Variants in NEK7 observed in about 807,000 individuals in gnomAD.
The protein encoded by NEK7 is serine/threonine-protein kinase Nek7.
A neutral mutation model predicts 44.6 loss-of-function variants in NEK7; 18 were observed. That is an observed-to-expected ratio of 0.40 (90% CI 0.28 to 0.60). NEK7 has a LOEUF of 0.60. NEK7 is among the 20% of genes least tolerant of loss of function. NEK7 has a pLI of 0.38. For synonymous variants in NEK7, 130 were observed against 121.1 expected (o/e 1.07, Z -0.48); for missense variants, 256 against 366.5 (o/e 0.70, Z 2.46).
chr1:198,159,221 C>T (rs1571488772), intron 1 of NEK7, among the ~76,000 whole-genome samples: 1 of 151,934 alleles, frequency 6.6e-6, no homozygotes, highest in Non-Finnish European at 1.5e-5. Flanking sequence ...GCCCTGGGCT[C>T]GGAGAAGGCC....
At chr1:198,319,109 C>T (rs1470394690) in intron 9 of NEK7, among the ~76,000 whole-genome samples, 1 of 152,048 alleles carries the variant, frequency 6.6e-6, no homozygotes, top group Non-Finnish European at 1.5e-5. Context: ...GACTAGTGTC[C>T]TCAGTGACTG....
intron 1 of NEK7, among the ~76,000 whole-genome samples, chr1:198,201,726 A>G (rs1571526661): frequency 6.6e-6 from 1 of 152,140 alleles, no homozygotes; most frequent in Non-Finnish European, 1.5e-5. Context: ...CTCTTTCCGG[A>G]GCCTCACCCT....
chr1:198,232,064 G>A (rs1046375112), intron 1 of NEK7, among the ~76,000 whole-genome samples: 14 of 152,052 alleles, frequency 9.2e-5, no homozygotes, highest in South Asian at 4.1e-4. Context: ...CAAAGTATGC[G>A]TAAAAGAGTA....
At chr1:198,193,807 GCCATATATGACAAAT>G (rs1469623917) in intron 1 of NEK7, among the ~76,000 whole-genome samples, 5 of 151,956 alleles carry the variant, frequency 3.3e-5, no homozygotes, top group African/African-American at 9.7e-5. Context: ...CAAAATAAGA[GCCATATATGACAAAT>G]CCATATATGA....
intron 1 of NEK7, among the ~76,000 whole-genome samples, chr1:198,186,002 T>C (rs1226811263): frequency 6.6e-6 from 1 of 152,214 alleles, no homozygotes; most frequent in Non-Finnish European, 1.5e-5. Context: ...ACACATAGTC[T>C]TGGATCTAGA....
At chr1:198,252,563 TATATAA>T (rs1453706501) in intron 2 of NEK7, among the ~76,000 whole-genome samples, 1 of 50,932 alleles carries the variant, frequency 2.0e-5, no homozygotes, top group Non-Finnish European at 3.1e-5. Flanking sequence ...TATATATATA[TATATAA>T]AAAGTACATA....
In NEK7 at chr1:198,320,596, T is replaced by C. The variant is rs1165400800; in HGVS notation, c.*1074T>C. The C allele has an allele frequency of 6.6e-6, 1 of 152,172 alleles. No homozygotes were observed. Among genetic ancestry groups the C allele is most frequent in the Non-Finnish European group, 1.5e-5 (1 of 68,004 alleles). 9.4% of individuals were successfully genotyped at this position (152,172 alleles called of 1,614,324 possible). A position where few individuals can be genotyped will look rare whatever the true frequency, so the allele number is the denominator to read the frequency against. ...AAAGATATTTGGTATACCAATACTT[T>C]TCCTGGATTGAAAACTTTTTTTAAA... On this transcript the variant is annotated 3_prime_UTR_variant, in exon 10 of 10. Transcript: ENST00000367385.
At chr1:198,199,664 A>G (rs1195898137) in intron 1 of NEK7, among the ~76,000 whole-genome samples, 2 of 151,856 alleles carry the variant, frequency 1.3e-5, no homozygotes, top group African/African-American at 4.8e-5. Context: ...GCTGACGTGT[A>G]TCTATTATTT....
intron 2 of NEK7, among the ~76,000 whole-genome samples, chr1:198,234,307 A>AT (rs11325777): frequency 8.7e-5 from 13 of 149,806 alleles, no homozygotes; most frequent in Admixed American, 1.3e-4. Flanking sequence ...TTCAAGAAGA[A>AT]TTTTTTTTTT....
chr1:198,269,731 T>A (rs1653777767), intron 5 of NEK7, among the ~76,000 whole-genome samples: 1 of 152,070 alleles, frequency 6.6e-6, no homozygotes, highest in Admixed American at 6.6e-5. Flanking sequence ...AAGTAAATAA[T>A]TAATTGGTTC....
intron 1 of NEK7, among the ~76,000 whole-genome samples, chr1:198,225,211 T>A (rs1391660334): frequency 1.3e-5 from 2 of 149,226 alleles, no homozygotes; most frequent in Non-Finnish European, 3.0e-5. Flanking sequence ...TATAAAAAAA[T>A]TTAAAGGACA....
At chr1:198,252,530 A>C (rs1029086746) in intron 2 of NEK7, among the ~76,000 whole-genome samples, 2 of 48,718 alleles carry the variant, frequency 4.1e-5, no homozygotes, top group Admixed American at 2.7e-4. Context: ...CTCACATACT[A>C]TATATATATA....
At chr1:198,267,439 T>G (rs1200279268) in intron 5 of NEK7, among the ~76,000 whole-genome samples, 1 of 152,044 alleles carries the variant, frequency 6.6e-6, no homozygotes, top group Non-Finnish European at 1.5e-5. Context: ...CTATTTTATT[T>G]TATTTATTTA....
At chr1:198,264,271 T>C (rs773465955) in intron 5 of NEK7, 36 bp downstream of exon 5, 3 of 1,477,796 alleles carry the variant, frequency 2.0e-6, no homozygotes, top group Admixed American at 1.9e-5. Context: ...TGTTTTGTTT[T>C]GTTTTTTTTT....
intron 9 of NEK7, among the ~76,000 whole-genome samples, chr1:198,297,939 T>A (rs949532577): frequency 6.6e-6 from 1 of 152,120 alleles, no homozygotes; most frequent in African/African-American, 2.4e-5. Flanking sequence ...TTGAAGTGAG[T>A]TGTTTTGGCT....
chr1:198,231,299 G>A (rs12737320), intron 1 of NEK7, among the ~76,000 whole-genome samples: 7,374 of 94,440 alleles, frequency 0.078, 313 homozygotes, highest in South Asian at 0.14. Context: ...GTATGTGTGT[G>A]TGTATATATA....
intron 5 of NEK7, among the ~76,000 whole-genome samples, chr1:198,268,344 C>T (rs566300904): frequency 1.4e-5 from 2 of 137,964 alleles, no homozygotes; most frequent in Admixed American, 1.5e-4. Context: ...TAACTCGAGG[C>T]CTGGCACCAG....
At chr1:198,228,104 A>G (rs1466522398) in intron 1 of NEK7, among the ~76,000 whole-genome samples, 1 of 152,202 alleles carries the variant, frequency 6.6e-6, no homozygotes, top group Non-Finnish European at 1.5e-5. Context: ...CAGTTTTCCC[A>G]GCACCATTTA....
intron 1 of NEK7, among the ~76,000 whole-genome samples, chr1:198,162,007 C>G (rs562388299): frequency 1.3e-5 from 2 of 152,100 alleles, no homozygotes; most frequent in African/African-American, 4.8e-5. Context: ...TCAAAAAAGA[C>G]TCTCCCCCGC....
Sources: allele counts gnomAD v4.1 joint callset (sites outside exome capture counted in the v4.1 genomes callset), GRCh38; gene constraint gnomAD v4.1.1; transcripts MANE v1.5; gene names NCBI Gene and HGNC (gene_info 2026-07-23, HGNC 2026-07-21).